Variants in TBC1D19 observed in about 807,000 individuals in gnomAD.
The protein encoded by TBC1D19 is TBC1 domain family member 19.
In TBC1D19, 60 loss-of-function variants were observed where a neutral mutation model predicts 89.0. The observed-to-expected ratio is 0.67, with a 90% CI of 0.55 to 0.84. TBC1D19 has a LOEUF of 0.84. Ranked by LOEUF, TBC1D19 falls within the 40% of genes least tolerant of loss-of-function variation. The pLI is 0.00. For missense variants in TBC1D19, 500 were observed against 610.8 expected (o/e 0.82, Z 1.91); for synonymous variants, 189 against 199.7 (o/e 0.95, Z 0.45).
chr4:26,818,336 T>A, the TBC1D19 span, among the ~76,000 whole-genome samples: 1 of 152,166 alleles, frequency 6.6e-6, no homozygotes, highest in Non-Finnish European at 1.5e-5. Context: ...CAAATGATTC[T>A]CCTTCCTCAG....
At chr4:26,740,127 A>T (rs1408433665) in intron 17 of TBC1D19, among the ~76,000 whole-genome samples, 154 bp downstream of exon 17, 1 of 152,194 alleles carries the variant, frequency 6.6e-6, no homozygotes, top group African/African-American at 2.4e-5. Context: ...GACAGAGAAG[A>T]TGAAATTGAT....
intron 18 of TBC1D19, among the ~76,000 whole-genome samples, chr4:26,746,865 G>A (rs1718678262): frequency 6.6e-6 from 1 of 152,136 alleles, no homozygotes; most frequent in Admixed American, 6.5e-5. Context: ...AGGGTCACTT[G>A]AACACAGGCG....
At chr4:26,854,634 G>A in the TBC1D19 span, among the ~76,000 whole-genome samples, 1 of 152,110 alleles carries the variant, frequency 6.6e-6, no homozygotes, top group African/African-American at 2.4e-5. Context: ...GGTGGTAGGG[G>A]CCAAGATGTG....
intron 4 of TBC1D19, among the ~76,000 whole-genome samples, chr4:26,634,231 A>C (rs143347424): frequency 5.6e-4 from 86 of 152,228 alleles, no homozygotes; most frequent in Middle Eastern, 3.4e-3. Context: ...TCTTCCGTAC[A>C]TATCAAGCAA....
chr4:26,761,052 T>C (rs902941382), downstream of TBC1D19, among the ~76,000 whole-genome samples: 1 of 152,244 alleles, frequency 6.6e-6, no homozygotes, highest in Admixed American at 6.5e-5. Context: ...CCCTCTATTC[T>C]GTTCATGAAT....
At chr4:26,760,634 T>TAGG (rs1250288408), downstream of TBC1D19, among the ~76,000 whole-genome samples, 1 of 152,102 alleles carries the variant, frequency 6.6e-6, no homozygotes, top group African/African-American at 2.4e-5. Flanking sequence ...GTTTGCAAAA[T>TAGG]TTTCTCCCAG....
At chr4:26,699,850 C>G (rs1206804329) in intron 13 of TBC1D19, among the ~76,000 whole-genome samples, 2 of 132,056 alleles carry the variant, frequency 1.5e-5, no homozygotes, top group Admixed American at 8.3e-5. Context: ...ACTTCACGCA[C>G]TGGGGCCTGT....
intron 16 of TBC1D19, 106 bp from the exon 17 acceptor site, chr4:26,739,758 G>T (rs1292211660): frequency 1.0e-5 from 6 of 571,474 alleles, no homozygotes; most frequent in Non-Finnish European, 1.7e-5. Flanking sequence ...TTGTCTGGTG[G>T]TGTATATGAT....
At chr4:26,705,199 G>A (rs994002290) in intron 13 of TBC1D19, among the ~76,000 whole-genome samples, 2 of 152,018 alleles carry the variant, frequency 1.3e-5, no homozygotes, top group Non-Finnish European at 2.9e-5. Context: ...TACTGAAAAT[G>A]TGATTTGTAA....
At chr4:26,759,667 C>A (rs927646963), downstream of TBC1D19, among the ~76,000 whole-genome samples, 5 of 152,096 alleles carry the variant, frequency 3.3e-5, no homozygotes, top group African/African-American at 1.2e-4. Context: ...TGCTTCTGTC[C>A]CTAAAGATTA....
chr4:26,768,684 G>A, the TBC1D19 span, among the ~76,000 whole-genome samples: 13 of 152,076 alleles, frequency 8.5e-5, 1 homozygote, highest in South Asian at 1.9e-3. Context: ...AGATGAAAAG[G>A]AACTGCTTAT....
At chr4:26,849,106 G>T in the TBC1D19 span, among the ~76,000 whole-genome samples, 11 of 152,054 alleles carry the variant, frequency 7.2e-5, no homozygotes, top group Non-Finnish European at 1.5e-4. Context: ...AGCCCAGGAG[G>T]TTGAGGCTGC....
At chr4:26,797,679 G>T in the TBC1D19 span, among the ~76,000 whole-genome samples, 1 of 152,136 alleles carries the variant, frequency 6.6e-6, no homozygotes, top group Non-Finnish European at 1.5e-5. Flanking sequence ...ACAGCATGGT[G>T]CTGCTACAAA....
the TBC1D19 span, among the ~76,000 whole-genome samples, chr4:26,848,257 C>T: frequency 6.6e-5 from 10 of 152,210 alleles, no homozygotes; most frequent in African/African-American, 2.4e-4. Flanking sequence ...TGCATGGCTA[C>T]TTGAGCAGAG....
At chr4:26,665,998 T>G (rs1396027231) in intron 8 of TBC1D19, among the ~76,000 whole-genome samples, 1 of 152,032 alleles carries the variant, frequency 6.6e-6, no homozygotes, top group Non-Finnish European at 1.5e-5. Flanking sequence ...ATATTGCTAA[T>G]GGCTCTCCAT....
chr4:26,739,328 G>A (rs1003221913), intron 16 of TBC1D19, among the ~76,000 whole-genome samples: 1 of 152,070 alleles, frequency 6.6e-6, no homozygotes, highest in Non-Finnish European at 1.5e-5. Context: ...GGGATATAGC[G>A]ATAAAGACCA....
chr4:26,793,961 A>G, the TBC1D19 span, among the ~76,000 whole-genome samples: 1 of 152,178 alleles, frequency 6.6e-6, no homozygotes, highest in Non-Finnish European at 1.5e-5. Flanking sequence ...TCATGTGACC[A>G]TTGGCTGATC....
chr4:26,650,018 C>G (rs185847792), intron 7 of TBC1D19, among the ~76,000 whole-genome samples: 1 of 152,052 alleles, frequency 6.6e-6, no homozygotes, highest in Non-Finnish European at 1.5e-5. Flanking sequence ...CAGCTTCATC[C>G]GCATCCCTAC....
At chr4:26,584,420 A>G (rs898429534) in intron 1 of TBC1D19, 128 bp downstream of exon 1, 5 of 827,726 alleles carry the variant, frequency 6.0e-6, no homozygotes, top group South Asian at 1.7e-5. Context: ...TCAAAAAACA[A>G]ACAGACAAAA....
Sources: gnomAD v4.1 joint callset for allele counts (sites outside exome capture counted in the v4.1 genomes callset) on GRCh38, gnomAD v4.1.1 for gene constraint, MANE v1.5 for transcripts, NCBI Gene and HGNC (gene_info 2026-07-23, HGNC 2026-07-21) for gene names.